EVI5: variants seen among roughly 807,000 people sequenced by gnomAD.
The protein encoded by EVI5 is ecotropic viral integration site 5.
A neutral mutation model predicts 112.0 loss-of-function variants in EVI5; 73 were observed. The observed-to-expected ratio is 0.65, with a 90% CI of 0.54 to 0.79. EVI5 has a LOEUF of 0.79. Among genes scored for constraint, EVI5 ranks in the 30% least tolerant of loss-of-function variants. The pLI is 0.00. For synonymous variants in EVI5, 305 were observed against 319.9 expected (o/e 0.95, Z 0.50); for missense variants, 900 against 968.8 (o/e 0.93, Z 0.94).
intron 1 of EVI5, among the ~76,000 whole-genome samples, chr1:92,768,431 C>T (rs1682955612): frequency 1.3e-5 from 2 of 152,216 alleles, no homozygotes; most frequent in African/African-American, 4.8e-5. Flanking sequence ...TTCTAGTTCT[C>T]ACCTGCCATA....
At chr1:92,777,343 G>A (rs1570927306) in intron 1 of EVI5, among the ~76,000 whole-genome samples, 1 of 152,136 alleles carries the variant, frequency 6.6e-6, no homozygotes, top group South Asian at 2.1e-4. Context: ...CCCTTGCAGA[G>A]ATCTACAGCC....
intron 1 of EVI5, among the ~76,000 whole-genome samples, chr1:92,753,631 T>G (rs1436870967): frequency 6.6e-6 from 1 of 152,136 alleles, no homozygotes; most frequent in Non-Finnish European, 1.5e-5. Context: ...TAGTCACAGT[T>G]CAAGAGCTCA....
intron 9 of EVI5, among the ~76,000 whole-genome samples, chr1:92,689,896 TG>T (rs1190480633): frequency 6.6e-6 from 1 of 152,044 alleles, no homozygotes; most frequent in Non-Finnish European, 1.5e-5. Flanking sequence ...AAAGTTGTTT[TG>T]TTTTGTTTAA....
rs139543924 is a variant in EVI5, at chr1:92,575,217, C to T, written c.2071-11480G>A. 5.9e-5 allele frequency among the ~76,000 whole-genome samples: 9 copies of T among 152,296 alleles called. No individual in the cohort carries two copies. The East Asian group carries it at 1.7e-3, about 29-fold the overall frequency. Reference sequence around the variant, plus strand: ...ATATTCACCAATTACCATTTTGCTACGTGGGCTTTCGTTCTTTTGCTCTCT... The same window carrying T: ...ATATTCACCAATTACCATTTTGCTATGTGGGCTTTCGTTCTTTTGCTCTCT... On this transcript the variant is annotated intron_variant, in intron 18 of 19. Coordinates refer to ENST00000684568, the MANE Select transcript of EVI5 (RefSeq NM_001350197.2).
chr1:92,588,394 C>A (rs1286548092), intron 18 of EVI5, among the ~76,000 whole-genome samples: 3 of 152,300 alleles, frequency 2.0e-5, no homozygotes, highest in East Asian at 3.9e-4. Flanking sequence ...TTATGTCAGG[C>A]CCTTTGCCTG....
chr1:92,743,072 GC>G (rs1170525601), intron 1 of EVI5, among the ~76,000 whole-genome samples: 2 of 152,224 alleles, frequency 1.3e-5, no homozygotes, highest in Non-Finnish European at 2.9e-5. Flanking sequence ...AGGAAGGAGG[GC>G]CAAGCGTGAT....
chr1:92,508,903 A>G lies in EVI5; in HGVS notation c.*4753T>C, dbSNP rs189690380. 1 of 152,388 alleles carries G rather than the reference A, an allele frequency of 6.6e-6. No individual in the cohort carries two copies. The highest frequency in any genetic ancestry group is 6.5e-5 in the Admixed American group (1 of 15,302). The allele number at this position is 152,388 out of a possible 1,614,324, so 9.4% of individuals were successfully genotyped here. A position where few individuals can be genotyped will look rare whatever the true frequency, so the allele number is the denominator to read the frequency against. The stretch of plus-strand genomic sequence containing the variant: ...AGGCAGATCAATGGATGTGATGTAA[A>G]AACTTGGATCATAAATAGCATCCAC... On this transcript the variant is annotated 3_prime_UTR_variant, in exon 20 of 20. Transcript: ENST00000684568.
intron 18 of EVI5, among the ~76,000 whole-genome samples, chr1:92,584,917 GCA>G (rs1436814582): frequency 1.2e-4 from 18 of 151,950 alleles, no homozygotes; most frequent in Admixed American, 1.0e-3. Flanking sequence ...CTAGCTAAAG[GCA>G]CAGTTTAAAA....
intron 19 of EVI5, among the ~76,000 whole-genome samples, chr1:92,534,278 A>G (rs969018098): frequency 1.7e-4 from 26 of 152,344 alleles, no homozygotes; most frequent in African/African-American, 6.0e-4. Flanking sequence ...AGGAAATAAG[A>G]GAGGACACAA....
At chr1:92,685,500 A>T (rs1222080969) in intron 9 of EVI5, among the ~76,000 whole-genome samples, 1 of 152,236 alleles carries the variant, frequency 6.6e-6, no homozygotes, top group Non-Finnish European at 1.5e-5. Flanking sequence ...GAACTAGAGA[A>T]GCAAGAGCAA....
intron 2 of EVI5, among the ~76,000 whole-genome samples, chr1:92,712,291 C>CAGAAGAAA (rs1375672120): frequency 1.3e-5 from 2 of 152,008 alleles, no homozygotes; most frequent in Non-Finnish European, 2.9e-5. Flanking sequence ...AGAGACAACA[C>CAGAAGAAA]AGAAGAAAGA....
chr1:92,750,039 T>C (rs6675753), intron 1 of EVI5, among the ~76,000 whole-genome samples: 92,480 of 152,052 alleles, frequency 0.61, 29,047 homozygotes, highest in East Asian at 0.92. Flanking sequence ...CTTCAACTAT[T>C]GGAATTATCA....
intron 3 of EVI5, among the ~76,000 whole-genome samples, chr1:92,704,227 CAGCTTA>C (rs1278449382): frequency 1.3e-5 from 2 of 152,094 alleles, no homozygotes; most frequent in Non-Finnish European, 2.9e-5. Context: ...GGCAGGAGAA[CAGCTTA>C]AGCCCAGAAA....
intron 19 of EVI5, among the ~76,000 whole-genome samples, chr1:92,543,672 T>A (rs1276589644): frequency 6.6e-6 from 1 of 152,222 alleles, no homozygotes; most frequent in Non-Finnish European, 1.5e-5. Context: ...GGCTTTTGAC[T>A]ATATGAGTGC....
intron 18 of EVI5, among the ~76,000 whole-genome samples, chr1:92,589,832 G>A (rs916622243): frequency 1.3e-5 from 2 of 152,192 alleles, no homozygotes; most frequent in African/African-American, 2.4e-5. Flanking sequence ...GTGGGGCCCT[G>A]ACCCCTGAGT....
intron 2 of EVI5, among the ~76,000 whole-genome samples, chr1:92,727,398 A>C (rs1675741693): frequency 6.6e-6 from 1 of 152,188 alleles, no homozygotes; most frequent in Non-Finnish European, 1.5e-5. Flanking sequence ...TGGCCATCTG[A>C]CTTACTTTGG....
chr1:92,729,114 C>T (rs1676064065), intron 2 of EVI5, among the ~76,000 whole-genome samples: 1 of 152,168 alleles, frequency 6.6e-6, no homozygotes, highest in South Asian at 2.1e-4. Flanking sequence ...AATGCTGAGG[C>T]TGCTAAGATT....
intron 16 of EVI5, among the ~76,000 whole-genome samples, chr1:92,621,396 C>T (rs1327832655): frequency 6.6e-6 from 1 of 152,234 alleles, no homozygotes; most frequent in Non-Finnish European, 1.5e-5. Flanking sequence ...GCTGCAACCT[C>T]CACCTACCGG....
At chr1:92,568,836 CTTATT>C (rs1413747043) in intron 18 of EVI5, among the ~76,000 whole-genome samples, 2 of 152,086 alleles carry the variant, frequency 1.3e-5, no homozygotes, top group East Asian at 1.9e-4. Flanking sequence ...TTTTTTCTAG[CTTATT>C]TTAAGAATAC....
Sources: gnomAD v4.1 joint callset for allele counts (sites outside exome capture counted in the v4.1 genomes callset) on GRCh38, gnomAD v4.1.1 for gene constraint, MANE v1.5 for transcripts, NCBI Gene and HGNC (gene_info 2026-07-23, HGNC 2026-07-21) for gene names.